Variants in LRRC4B observed in about 807,000 individuals in gnomAD.
LRRC4B encodes the protein leucine rich repeat containing 4B, also known as leucine-rich repeat-containing protein 4B.
In LRRC4B, 1 loss-of-function variant was observed where a neutral mutation model predicts 7.3. The ratio of observed to expected loss-of-function variants is 0.14; its 90% confidence interval spans 0.05 to 0.65. The LOEUF (loss-of-function observed/expected upper bound fraction) is 0.65, where lower values mean the gene tolerates loss of function less well. Ranked by LOEUF, LRRC4B falls within the 30% of genes least tolerant of loss-of-function variation. LRRC4B has a pLI of 0.84. For missense variants in LRRC4B, 730 were observed against 1,041.6 expected (o/e 0.70, Z 4.12); for synonymous variants, 500 against 499.2 (o/e 1.00, Z -0.02).
chr19:50,535,090 G>C (rs957628586), intron 2 of LRRC4B, among the ~76,000 whole-genome samples: 2 of 151,978 alleles, frequency 1.3e-5, no homozygotes, highest in Admixed American at 6.6e-5. Flanking sequence ...GGATGGTCTC[G>C]ATCTCCTGAC....
At chr19:50,520,219 AAAAAAAAAAAAAAAAAAAAAAAAAAAAAG>A (rs1187061136) in intron 2 of LRRC4B, among the ~76,000 whole-genome samples, 1,057 of 59,952 alleles carry the variant, frequency 0.018, 127 homozygotes, top group East Asian at 0.13. Context: ...AAAAAAAAAA[AAAAAAAAAAAAAAAAAAAAAAAAAAAAAG>A]AAGAAAAGAA....
intron 2 of LRRC4B, among the ~76,000 whole-genome samples, chr19:50,536,414 T>A (rs1981288953): frequency 6.6e-6 from 1 of 152,210 alleles, no homozygotes; most frequent in Non-Finnish European, 1.5e-5. Flanking sequence ...ATTACAGGCG[T>A]GAGCCACTGT....
chr19:50,550,654 A>G (rs1239812445), intron 1 of LRRC4B, among the ~76,000 whole-genome samples: 1 of 152,206 alleles, frequency 6.6e-6, no homozygotes, highest in African/African-American at 2.4e-5. Context: ...ACACAGAGAG[A>G]CAGAGACAGA....
Position 50,518,280 on chromosome 19 carries a change from CCAA to C in LRRC4B, c.1430_1432del (p.Val477del), listed in dbSNP as rs754961523. 1 of 1,599,416 alleles carries C rather than the reference CCAA, an allele frequency of 6.3e-7. No individual in the cohort carries two copies. The highest frequency in any genetic ancestry group is 8.5e-7 in the Non-Finnish European group (1 of 1,173,570). On this transcript the variant is annotated inframe_deletion, in exon 3 of 3. Coordinates refer to ENST00000652263, the MANE Select transcript of LRRC4B (RefSeq NM_001080457.2). The stretch of plus-strand genomic sequence containing the variant: ...GTAGGTGTAGCCGCCACTGCCCCCT[CCAA>C]CACCACCACTGCCCCCAGGGCCGCC...
Position 50,518,601 on chromosome 19 carries a change from G to A in LRRC4B, c.1112C>T (p.Thr371Met), listed in dbSNP as rs1325214756. The change falls in exon 3 of 3, where the codon ACG becomes ATG. Residue 371 changes from threonine to methionine, a missense_variant. By Grantham distance (81) the Thr-to-Met change is moderately conservative (BLOSUM62 -1). Coordinates refer to ENST00000652263, the MANE Select transcript of LRRC4B (RefSeq NM_001080457.2). ...CATGCCCTCGGTGACGTTGAGGTCC[G>A]TGGGCGGCTCCACGATGACGGGCGC... ...CYAPVIVEPP[T>M]DLNVTEGMAA... is the part of the protein sequence containing the mutation. The A allele has an allele frequency of 1.3e-6, 2 of 1,599,934 alleles. No individual in the cohort carries two copies. Among genetic ancestry groups the A allele is most frequent in the Non-Finnish European group, 1.7e-6 (2 of 1,170,924 alleles).
At chr19:50,531,625 T>C (rs917096834) in intron 2 of LRRC4B, among the ~76,000 whole-genome samples, 2 of 152,222 alleles carry the variant, frequency 1.3e-5, no homozygotes, top group Non-Finnish European at 2.9e-5. Flanking sequence ...TCTCTTTATT[T>C]TGAACAGAAT....
intron 1 of LRRC4B, among the ~76,000 whole-genome samples, chr19:50,561,580 C>A (rs140468874): frequency 2.1e-4 from 32 of 151,958 alleles, no homozygotes; most frequent in African/African-American, 7.0e-4. Context: ...ACAAAAAATA[C>A]AAAAATTAGC....
chr19:50,545,056 G>C (rs1417377105), intron 2 of LRRC4B, among the ~76,000 whole-genome samples: 1 of 151,326 alleles, frequency 6.6e-6, no homozygotes, highest in Non-Finnish European at 1.5e-5. Context: ...AGCTTGCAGT[G>C]AGCCAAGATC....
At chr19:50,544,455 C>A (rs1462780023) in intron 2 of LRRC4B, among the ~76,000 whole-genome samples, 2 of 150,384 alleles carry the variant, frequency 1.3e-5, no homozygotes, top group Admixed American at 1.3e-4. Flanking sequence ...TGCAGTGAGC[C>A]GAGATCACGC....
chr19:50,567,750 G>C (rs1247523216), intron 1 of LRRC4B, among the ~76,000 whole-genome samples, 194 bp downstream of exon 1: 3 of 131,820 alleles, frequency 2.3e-5, no homozygotes, highest in African/African-American at 8.8e-5. Context: ...CCTGCCCGGA[G>C]AACCCCCACC....
At chr19:50,532,769 G>A (rs1187141414) in intron 2 of LRRC4B, among the ~76,000 whole-genome samples, 2 of 152,174 alleles carry the variant, frequency 1.3e-5, no homozygotes, top group African/African-American at 2.4e-5. Context: ...TTCCCAGCAC[G>A]CTATGCAAGG....
chr19:50,530,931 G>GGC (rs1555806669), intron 2 of LRRC4B, among the ~76,000 whole-genome samples: 1 of 132,384 alleles, frequency 7.6e-6, no homozygotes, highest in Non-Finnish European at 1.5e-5. Context: ...AGAAACCTGG[G>GGC]GGGGGGGGGT....
rs1029088166 is a variant in LRRC4B, at chr19:50,553,063, C to T, written c.-35-4190G>A. 1.3e-5 allele frequency among the ~76,000 whole-genome samples: 2 copies of T among 152,146 alleles called. No individual in the cohort carries two copies. The highest frequency in any genetic ancestry group is 1.5e-5 in the Non-Finnish European group (1 of 68,030). On this transcript the variant is annotated intron_variant, in intron 1 of 2. Transcript: ENST00000652263. The surrounding 1 kb of genome is among the most constrained non-coding windows in gnomAD (Gnocchi z 4.2). ...CCTAGGGCCACTGTGGGGATTAAAT[C>T]GCTAAATCCTTGGTAAAGAGTTCTG...
At chr19:50,529,895 G>A (rs905388143) in intron 2 of LRRC4B, among the ~76,000 whole-genome samples, 3 of 152,096 alleles carry the variant, frequency 2.0e-5, no homozygotes, top group Non-Finnish European at 4.4e-5. Context: ...GGGTTACACT[G>A]AGATGGCCTG....
chr19:50,535,119 T>C (rs542455781), intron 2 of LRRC4B, among the ~76,000 whole-genome samples: 38 of 152,156 alleles, frequency 2.5e-4, no homozygotes, highest in Middle Eastern at 3.4e-3. Flanking sequence ...CTGCCCGCCT[T>C]GGCCTCCCAA....
In LRRC4B at chr19:50,527,064, G is replaced by A. The variant is rs556865920; in HGVS notation, c.298-7649C>T. 8.8e-3 allele frequency among the ~76,000 whole-genome samples: 1,242 copies of A among 140,980 alleles called. 12 individuals are homozygous for A. Among genetic ancestry groups the A allele is most frequent in the South Asian group, 0.017 (75 of 4,398 alleles). The allele number at this position is 140,980 out of a possible 152,430, so 92.5% of individuals were successfully genotyped here. Reference sequence around the variant, plus strand: ...TTTTTTTTTTTTGAGACAGAGTCTCGCTCTGTCACCCAGGCTGGAGTGCAG... The same window carrying A: ...TTTTTTTTTTTTGAGACAGAGTCTCACTCTGTCACCCAGGCTGGAGTGCAG... On this transcript the variant is annotated intron_variant, in intron 2 of 2. Coordinates refer to ENST00000652263, the MANE Select transcript of LRRC4B (RefSeq NM_001080457.2).
At chr19:50,536,782 T>A (rs1981312576) in intron 2 of LRRC4B, among the ~76,000 whole-genome samples, 1 of 152,152 alleles carries the variant, frequency 6.6e-6, no homozygotes, top group African/African-American at 2.4e-5. Context: ...CTGTGACTAT[T>A]TAAAGGCAGG....
intron 2 of LRRC4B, among the ~76,000 whole-genome samples, chr19:50,542,221 C>A (rs561347370): frequency 6.6e-6 from 1 of 152,222 alleles, no homozygotes; most frequent in East Asian, 1.9e-4. Context: ...GACCAGGTAC[C>A]TGACTGAGGA....
Position 50,517,464 on chromosome 19 carries a change from C to T in LRRC4B, c.*107G>A. 5.6e-6 allele frequency: 6 copies of T among 1,067,378 alleles called. No individual in the cohort carries two copies. The East Asian group carries it at 1.9e-4, about 34-fold the overall frequency. 66.1% of individuals were successfully genotyped at this position (1,067,378 alleles called of 1,614,324 possible). A position where few individuals can be genotyped will look rare whatever the true frequency, so the allele number is the denominator to read the frequency against. ...CCTCTCCCCAATTCCCTGCGTGGTC[C>T]CAGAAGGTGGGCTGGGCTGTGGGAG... On this transcript the variant is annotated 3_prime_UTR_variant, in exon 3 of 3. Transcript: ENST00000652263. The surrounding 1 kb of genome is among the most constrained non-coding windows in gnomAD (Gnocchi z 6.6).
Sources: gnomAD v4.1 joint callset for allele counts (sites outside exome capture counted in the v4.1 genomes callset) on GRCh38, gnomAD v4.1.1 for gene constraint, Gnocchi (gnomAD v3.1) non-coding constraint, MANE v1.5 for transcripts, NCBI Gene and HGNC (gene_info 2026-07-23, HGNC 2026-07-21) for gene names.